Variants in ASPH observed in about 807,000 individuals in gnomAD.
The protein encoded by ASPH is aspartyl/asparaginyl beta-hydroxylase.
A neutral mutation model predicts 118.4 loss-of-function variants in ASPH; 100 were observed. The observed-to-expected ratio is 0.84, with a 90% confidence interval of 0.72 to 1.00. The LOEUF is 1.00. ASPH is among the 50% of genes least tolerant of loss of function. The probability of loss-of-function intolerance (pLI) is 0.00; values close to 1 mark genes in which losing one functional copy is unlikely to be tolerated. For synonymous variants in ASPH, 315 were observed against 325.6 expected (o/e 0.97, Z 0.35); for missense variants, 920 against 919.5 (o/e 1.00, Z -0.01).
intron 24 of ASPH, among the ~76,000 whole-genome samples, chr8:61,515,522 C>T (rs1166223618): frequency 1.3e-5 from 2 of 152,144 alleles, no homozygotes; most frequent in South Asian, 2.1e-4. Context: ...TGTCATCCTT[C>T]GATTGTCTCA....
intron 1 of ASPH, among the ~76,000 whole-genome samples, chr8:61,695,960 G>A (rs753641469): frequency 2.6e-5 from 4 of 152,196 alleles, no homozygotes; most frequent in Admixed American, 2.0e-4. Flanking sequence ...TAATTCACTA[G>A]AGGAAAAGAC....
chr8:61,583,541 CAAAA>C (rs11311318), intron 15 of ASPH: 30 of 112,876 alleles, frequency 2.7e-4, no homozygotes, highest in Non-Finnish European at 3.5e-4. Context: ...AGGCTCTGTC[CAAAA>C]AAAAAAAAAA....
chr8:61,567,374 A>T, intron 16 of ASPH, 56 bp from the exon 17 acceptor site: 1 of 1,520,044 alleles, frequency 6.6e-7, no homozygotes, highest in Non-Finnish European at 8.9e-7. Context: ...GTTTGTAATT[A>T]CCCAAAATAT....
chr8:61,589,754 T>A (rs1419988423), intron 14 of ASPH, among the ~76,000 whole-genome samples: 3 of 152,184 alleles, frequency 2.0e-5, no homozygotes, highest in Non-Finnish European at 4.4e-5. Context: ...AAAGTGCCCG[T>A]TTTCCAAAAA....
rs201530377 is a variant in ASPH, at chr8:61,686,697, GCTAATGA to G, written c.104-2516_104-2510del. Among the ~76,000 whole-genome samples the G allele has an allele frequency of 5.3e-3, 813 of 152,184 alleles. 7 individuals are homozygous for G. Among genetic ancestry groups the G allele is most frequent in the African/African-American group, 0.019 (775 of 41,528 alleles). On this transcript the variant is annotated intron_variant, in intron 1 of 24. Transcript: ENST00000379454. Reference sequence around the variant, plus strand: ...ATACTCTAAATATGGAATTATAGTAGCTAATGACTAAGAATTTCCTGCCTTTGCTACT... The same window carrying G: ...ATACTCTAAATATGGAATTATAGTAGCTAAGAATTTCCTGCCTTTGCTACT...
chr8:61,554,903 G>A (rs1827310491), intron 19 of ASPH, among the ~76,000 whole-genome samples: 1 of 152,034 alleles, frequency 6.6e-6, no homozygotes, highest in Admixed American at 6.6e-5. Flanking sequence ...TGTAGAGATG[G>A]GAATCTCACT....
At chr8:61,697,252 T>C (rs1834133896) in intron 1 of ASPH, among the ~76,000 whole-genome samples, 1 of 152,216 alleles carries the variant, frequency 6.6e-6, no homozygotes, top group African/African-American at 2.4e-5. Context: ...CTTGGGGATA[T>C]TATAAGGATA....
rs117520058 is a variant in ASPH, at chr8:61,638,453, A to C, written c.791-90T>G. ...GCTTTAAGGGCAGAGACAATGCCTT[A>C]TGCATCTTTGAACCTGCAAGGTTCA... On this transcript the variant is annotated intron_variant, in intron 10 of 24. Transcript: ENST00000379454. 8,925 of 1,138,368 alleles carry C rather than the reference A, an allele frequency of 7.8e-3. 52 individuals are homozygous for C. Among genetic ancestry groups the C allele is most frequent in the Non-Finnish European group, 9.9e-3 (7,742 of 780,128 alleles). 70.5% of individuals were successfully genotyped at this position (1,138,368 alleles called of 1,614,324 possible).
chr8:61,545,480 G>T (rs192282986), intron 21 of ASPH, among the ~76,000 whole-genome samples: 2 of 152,340 alleles, frequency 1.3e-5, no homozygotes, highest in Admixed American at 1.3e-4. Context: ...AAGGGGTTAC[G>T]TGGTGAGTTA....
chr8:61,647,921 C>T (rs1397664303), intron 5 of ASPH, among the ~76,000 whole-genome samples: 1 of 152,014 alleles, frequency 6.6e-6, no homozygotes, highest in East Asian at 1.9e-4. Context: ...GTATTGCATC[C>T]CAATGTAACT....
At chr8:61,652,360 A>C (rs1040566090) in intron 4 of ASPH, among the ~76,000 whole-genome samples, 5 of 152,164 alleles carry the variant, frequency 3.3e-5, no homozygotes, top group Admixed American at 3.3e-4. Flanking sequence ...GCAGAATATA[A>C]TACCTCCACA....
chr8:61,518,242 A>G, intron 22 of ASPH, 119 bp from the exon 23 acceptor site: 1 of 793,824 alleles, frequency 1.3e-6, no homozygotes, highest in Non-Finnish European at 2.0e-6. Flanking sequence ...TTGAGTAAAC[A>G]TGAGAAGATG....
At position 61,651,046 on chromosome 8, in the gene ASPH, A is replaced by G; in HGVS notation, c.490+4T>C. 1 of 1,608,396 alleles carries G rather than the reference A, an allele frequency of 6.2e-7. No homozygotes were observed. The highest frequency in any genetic ancestry group is 8.5e-7 in the Non-Finnish European group (1 of 1,177,448). ...CAAAACAAAGAGCAGATTTTAATTC[A>G]TACCATGTTCTGCGTGTACCATTTC... On this transcript the variant is annotated splice_donor_region_variant and intron_variant, in intron 5 of 24. Transcript: ENST00000379454.
chr8:61,612,845 T>C (rs1239755625), intron 14 of ASPH, among the ~76,000 whole-genome samples: 3 of 152,230 alleles, frequency 2.0e-5, no homozygotes, highest in Admixed American at 6.5e-5. Context: ...CAAGAACCCA[T>C]CTGAAAATAA....
At chr8:61,685,315 C>T (rs1830017027) in intron 1 of ASPH, among the ~76,000 whole-genome samples, 1 of 152,156 alleles carries the variant, frequency 6.6e-6, no homozygotes, top group South Asian at 2.1e-4. Context: ...ATGTTCCCTT[C>T]AGGGGCAGTT....
intron 13 of ASPH, among the ~76,000 whole-genome samples, chr8:61,627,650 T>C (rs1392547244): frequency 2.0e-5 from 3 of 152,206 alleles, no homozygotes; most frequent in Non-Finnish European, 4.4e-5. Flanking sequence ...GAGAGGAAGA[T>C]ACATTTCAGA....
chr8:61,665,732 G>A lies in ASPH; in HGVS notation c.323-12072C>T, dbSNP rs573739742. Reference sequence around the variant, plus strand: ...CACACAGGAAATGCACATTCAGAAAGTTACTTTAATTCACTAGTCTTTATG... The same window carrying A: ...CACACAGGAAATGCACATTCAGAAAATTACTTTAATTCACTAGTCTTTATG... On this transcript the variant is annotated intron_variant, in intron 3 of 24. Coordinates refer to ENST00000379454, the MANE Select transcript of ASPH (RefSeq NM_004318.4). 4.2e-5 allele frequency: 43 copies of A among 1,022,664 alleles called. No homozygotes were observed. In the South Asian group the frequency reaches 9.4e-4, roughly 22 times the overall value. 63.3% of individuals were successfully genotyped at this position (1,022,664 alleles called of 1,614,324 possible).
intron 21 of ASPH, among the ~76,000 whole-genome samples, chr8:61,535,479 C>T (rs1330034639): frequency 6.6e-6 from 1 of 152,142 alleles, no homozygotes; most frequent in Non-Finnish European, 1.5e-5. Flanking sequence ...ATCGAGAAAA[C>T]AGACACTGGA....
intron 16 of ASPH, among the ~76,000 whole-genome samples, chr8:61,574,416 C>G (rs545175243): frequency 1.3e-5 from 2 of 152,244 alleles, no homozygotes; most frequent in South Asian, 2.1e-4. Flanking sequence ...TATTGTGGCA[C>G]CATTCACAAT....
Sources: gnomAD v4.1 joint callset for allele counts (sites outside exome capture counted in the v4.1 genomes callset) on GRCh38, gnomAD v4.1.1 for gene constraint, MANE v1.5 for transcripts, NCBI Gene and HGNC (gene_info 2026-07-23, HGNC 2026-07-21) for gene names.